Variants in CCDC28A observed in about 807,000 individuals in gnomAD.
CCDC28A encodes the protein coiled-coil domain containing 28A.
A neutral mutation model predicts 22.1 loss-of-function variants in CCDC28A; 24 were observed. The observed-to-expected ratio is 1.09, with a 90% CI of 0.79 to 1.53. The LOEUF is 1.53. CCDC28A is among the 40% of genes most tolerant of loss of function. CCDC28A has a pLI of 0.00. For missense variants in CCDC28A, 170 were observed against 210.7 expected, an observed-to-expected ratio of 0.81 and a Z score of 1.20; for synonymous variants, 83 against 74.7, an observed-to-expected ratio of 1.11 and a Z score of -0.57.
rs1774927052 is a variant in CCDC28A, at chr6:138,776,113, T to C, written c.-8T>C. 1 of 1,614,118 alleles carries C rather than the reference T, an allele frequency of 6.2e-7. No homozygotes were observed. Among genetic ancestry groups the C allele is most frequent in the Non-Finnish European group, 8.5e-7 (1 of 1,179,998 alleles). ...AGCTGGCCGTGGTGCAATAAGGAAC[T>C]TAAAACAATGGAAGAGCGGAAAGTG... is the stretch of plus-strand genomic sequence containing the variant. On this transcript the variant is annotated 5_prime_UTR_variant, in exon 2 of 6. Transcript: ENST00000617445.
At chr6:138,788,452 G>T (rs765500495) in intron 5 of CCDC28A, 64 bp downstream of exon 5, 27 of 797,134 alleles carry the variant, frequency 3.4e-5, no homozygotes, top group Admixed American at 2.6e-4. Context: ...GAATAATCTC[G>T]ATCAAGTTTT....
chr6:138,784,699 CTT>C (rs58448983), intron 3 of CCDC28A, among the ~76,000 whole-genome samples: 4 of 143,394 alleles, frequency 2.8e-5, no homozygotes, highest in Non-Finnish European at 1.5e-5. Flanking sequence ...CCTATATGCT[CTT>C]TTTTTTTTTT....
chr6:138,778,887 C>T (rs1774976844), intron 2 of CCDC28A, among the ~76,000 whole-genome samples: 1 of 151,968 alleles, frequency 6.6e-6, no homozygotes, highest in Non-Finnish European at 1.5e-5. Context: ...CCTGCCTCAG[C>T]CTCCCAAGTA....
chr6:138,776,247 C>T lies in CCDC28A; in HGVS notation c.127C>T (p.Gln43Ter). Residue 43 changes from glutamine to a stop codon, truncating the protein, a stop_gained, in exon 2 of 6, where the codon CAG (glutamine) becomes TAG (stop). Transcript: ENST00000617445. LOFTEE classifies it high-confidence loss of function. ...CACAGGGTTTTCAAATCCTGCATCA[C>T]AGTCAACTTCACAGCGACCAAAGTT... ...KSTGFSNPAS[Q>*]STSQRPKLKR... The T allele has an allele frequency of 1.9e-6, 3 of 1,613,996 alleles. No individual in the cohort carries two copies. Among genetic ancestry groups the T allele is most frequent in the Non-Finnish European group, 2.5e-6 (3 of 1,179,906 alleles).
chr6:138,788,429 T>TA (rs1232950228), intron 5 of CCDC28A, 41 bp downstream of exon 5: 2 of 1,042,894 alleles, frequency 1.9e-6, no homozygotes, highest in Non-Finnish European at 2.7e-6. Context: ...GTTTACAACT[T>TA]ACAATTTCTG....
intron 3 of CCDC28A, 105 bp downstream of exon 3, chr6:138,780,090 A>G: frequency 1.2e-6 from 1 of 802,420 alleles, no homozygotes; most frequent in Non-Finnish European, 1.8e-6. Flanking sequence ...TCTTTTAAGA[A>G]AAAAAGAGCC....
chr6:138,792,363 C>A (rs989192596), intron 5 of CCDC28A, among the ~76,000 whole-genome samples: 6 of 152,074 alleles, frequency 3.9e-5, no homozygotes, highest in Non-Finnish European at 2.9e-5. Flanking sequence ...ACTCCTCCCC[C>A]ATCTCTAACA....
At chr6:138,781,589 T>C (rs923445766) in intron 3 of CCDC28A, among the ~76,000 whole-genome samples, 1 of 152,264 alleles carries the variant, frequency 6.6e-6, no homozygotes, top group Non-Finnish European at 1.5e-5. Flanking sequence ...GTATTATTCG[T>C]CTTTTAATTT....
chr6:138,792,138 T>C (rs1775178756), intron 5 of CCDC28A, among the ~76,000 whole-genome samples: 1 of 152,240 alleles, frequency 6.6e-6, no homozygotes. Flanking sequence ...CCAAAGATGA[T>C]AAAGTGGTGT....
chr6:138,776,650 A>G (rs545505264), intron 2 of CCDC28A, among the ~76,000 whole-genome samples: 10 of 151,648 alleles, frequency 6.6e-5, no homozygotes, highest in African/African-American at 2.4e-4. Context: ...GTGCCTTGGT[A>G]GTTTTCTTAA....
chr6:138,792,002 G>A (rs1172833331), intron 5 of CCDC28A, among the ~76,000 whole-genome samples: 2 of 152,178 alleles, frequency 1.3e-5, no homozygotes, highest in Admixed American at 1.3e-4. Context: ...TATAATAAGG[G>A]ATGAGTAATT....
Position 138,776,105 on chromosome 6 carries a change from TA to T in CCDC28A, c.-14del. On this transcript the variant is annotated 5_prime_UTR_variant, in exon 2 of 6. Coordinates refer to ENST00000617445, the MANE Select transcript of CCDC28A (RefSeq NM_015439.3). ...TCTTAAGAAGCTGGCCGTGGTGCAA[TA>T]AGGAACTTAAAACAATGGAAGAGCG... 1 of 1,614,064 alleles carries T rather than the reference TA, an allele frequency of 6.2e-7. No individual in the cohort carries two copies. The highest frequency in any genetic ancestry group is 8.5e-7 in the Non-Finnish European group (1 of 1,179,972).
chr6:138,791,284 G>T (rs115659743), intron 5 of CCDC28A, among the ~76,000 whole-genome samples: 1 of 151,408 alleles, frequency 6.6e-6, no homozygotes, highest in Non-Finnish European at 1.5e-5. Flanking sequence ...GTCTTGCTAT[G>T]TTGCCCAGAT....
chr6:138,783,885 T>C (rs1775056563), intron 3 of CCDC28A, among the ~76,000 whole-genome samples: 4 of 150,138 alleles, frequency 2.7e-5, no homozygotes, highest in African/African-American at 9.9e-5. Context: ...TCTTTTTTTT[T>C]TTTTTTTTTG....
intron 2 of CCDC28A, among the ~76,000 whole-genome samples, chr6:138,778,550 A>T (rs72985046): frequency 0.031 from 4,794 of 152,288 alleles, 113 homozygotes; most frequent in Non-Finnish European, 0.041. Context: ...TTCCTGAGGA[A>T]ATAGCATTTA....
chr6:138,792,255 G>A (rs9321673), intron 5 of CCDC28A, among the ~76,000 whole-genome samples: 40,937 of 151,984 alleles, frequency 0.27, 6,248 homozygotes, highest in African/African-American at 0.41. Flanking sequence ...TGGGCCAGGT[G>A]TGGTGGCTCG....
intron 4 of CCDC28A, among the ~76,000 whole-genome samples, chr6:138,786,544 A>G (rs555577459): frequency 2.6e-5 from 4 of 152,242 alleles, no homozygotes; most frequent in African/African-American, 9.6e-5. Context: ...CAATACTTTC[A>G]CTATTTCGAG....
chr6:138,776,175 A>C lies in CCDC28A; in HGVS notation c.55A>C (p.Thr19Pro), dbSNP rs188039280. The C allele has an allele frequency of 1.5e-4, 249 of 1,613,842 alleles. No homozygotes were observed. The highest frequency in any genetic ancestry group is 1.9e-4 in the Non-Finnish European group (220 of 1,179,870). The change falls in exon 2 of 6, where the codon ACT (threonine) becomes CCT (proline). Residue 19 changes from threonine (T) to proline (P), a missense_variant. By Grantham distance (38) the Thr-to-Pro change is conservative. Coordinates refer to ENST00000617445, the MANE Select transcript of CCDC28A (RefSeq NM_015439.3). ...TCCTAAGTCTTTTAGTGCCCACTGTACTCAGGTTGTCAATGCCAAAAAAAA... is the reference window on the plus strand; with the variant it reads ...TCCTAAGTCTTTTAGTGCCCACTGTCCTCAGGTTGTCAATGCCAAAAAAAA... ...RSPKSFSAHCTQVVNAKKNAI... is the reference protein window; with the variant it reads ...RSPKSFSAHCPQVVNAKKNAI...
chr6:138,793,124 T>G lies in CCDC28A; in HGVS notation c.*321T>G, dbSNP rs1264213543. ...CTTGACAGGGCGGAGGGATTTCTCT[T>G]TCCTGAGCTCACCAAACTTATTCCA... On this transcript the variant is annotated 3_prime_UTR_variant, in exon 6 of 6. Coordinates refer to ENST00000617445, the MANE Select transcript of CCDC28A (RefSeq NM_015439.3). 3.6e-6 allele frequency: 1 copy of G among 277,908 alleles called. No individual in the cohort carries two copies. Among genetic ancestry groups the G allele is most frequent in the Admixed American group, 5.1e-5 (1 of 19,640 alleles). 17.2% of individuals were successfully genotyped at this position (277,908 alleles called of 1,614,324 possible). A position where few individuals can be genotyped will look rare whatever the true frequency, so the allele number is the denominator to read the frequency against.
Sources: gnomAD v4.1 joint callset for allele counts (sites outside exome capture counted in the v4.1 genomes callset) on GRCh38, gnomAD v4.1.1 for gene constraint, MANE v1.5 for transcripts, NCBI Gene and HGNC (gene_info 2026-07-23, HGNC 2026-07-21) for gene names.